COL11A1: variants seen among roughly 807,000 people sequenced by gnomAD.
COL11A1 encodes the protein collagen alpha-1(XI) chain.
In COL11A1, 74 loss-of-function variants were observed where a neutral mutation model predicts 265.2. The observed-to-expected ratio is 0.28, with a 90% CI of 0.23 to 0.34. The LOEUF (loss-of-function observed/expected upper bound fraction) is 0.34, where lower values mean the gene tolerates loss of function less well. Ranked by LOEUF, COL11A1 falls within the 10% of genes least tolerant of loss-of-function variation. The pLI is 1.00. For synonymous variants in COL11A1, 816 were observed against 727.6 expected (o/e 1.12, Z -1.96); for missense variants, 2,165 against 2,263.6 (o/e 0.96, Z 0.88).
At position 102,934,470 on chromosome 1, in the gene COL11A1, A is replaced by G. The variant is rs759333312; in HGVS notation, c.3579T>C (p.Pro1193=). Reference sequence around the variant, plus strand: ...TTACCTGAAGACCTATTGGACCAGGAGGTCCAGGGAAGCCTCTGGCACCCT... The same window carrying G: ...TTACCTGAAGACCTATTGGACCAGGGGGTCCAGGGAAGCCTCTGGCACCCT... ...GDEGARGFPG[P]PGPIGLQGLP... Residue 1193 remains proline, a synonymous_variant, in exon 46 of 67, where the codon CCT becomes CCC. Transcript: ENST00000370096. 27 of 1,610,884 alleles carry G rather than the reference A, an allele frequency of 1.7e-5. No homozygotes were observed. The highest frequency in any genetic ancestry group is 2.1e-5 in the Non-Finnish European group (25 of 1,177,102).
intron 66 of COL11A1, 134 bp downstream of exon 66, chr1:102,879,549 T>G: frequency 1.3e-6 from 1 of 764,428 alleles, no homozygotes; most frequent in South Asian, 1.5e-5. Flanking sequence ...TAGTTTAACA[T>G]GTCAAGATTA....
chr1:103,057,761 G>A (rs751292229), intron 4 of COL11A1, among the ~76,000 whole-genome samples: 1 of 152,032 alleles, frequency 6.6e-6, no homozygotes, highest in African/African-American at 2.4e-5. Context: ...CTCAGCAGTA[G>A]GTCACAACTG....
chr1:103,096,551 G>T (rs199843434), intron 1 of COL11A1, among the ~76,000 whole-genome samples: 1 of 151,886 alleles, frequency 6.6e-6, no homozygotes, highest in Admixed American at 6.6e-5. Flanking sequence ...CATTGAGTAG[G>T]CAGTCAAGTA....
intron 2 of COL11A1, among the ~76,000 whole-genome samples, chr1:103,082,112 T>C (rs909669483): frequency 1.3e-5 from 2 of 151,952 alleles, no homozygotes. Flanking sequence ...TTAGTGTTAT[T>C]AGGTCAATTA....
chr1:103,091,383 C>A (rs1673308649), intron 1 of COL11A1, among the ~76,000 whole-genome samples: 1 of 151,944 alleles, frequency 6.6e-6, no homozygotes, highest in African/African-American at 2.4e-5. Context: ...TGATGTCACA[C>A]AAATAATGCC....
chr1:103,096,624 C>A (rs1017566305), intron 1 of COL11A1, among the ~76,000 whole-genome samples: 5 of 151,766 alleles, frequency 3.3e-5, no homozygotes, highest in African/African-American at 9.7e-5. Flanking sequence ...GACAGCCTAC[C>A]AATGCTATCC....
chr1:103,103,622 TA>T (rs1193132168), intron 1 of COL11A1, among the ~76,000 whole-genome samples: 1 of 152,010 alleles, frequency 6.6e-6, no homozygotes, highest in Non-Finnish European at 1.5e-5. Flanking sequence ...ATCTAAACTC[TA>T]GCAAATATAT....
At chr1:103,054,196 G>A (rs189335179) in intron 4 of COL11A1, among the ~76,000 whole-genome samples, 15 of 152,180 alleles carry the variant, frequency 9.9e-5, no homozygotes, top group African/African-American at 3.1e-4. Context: ...TAATTTTGTT[G>A]TTTTAATACA....
chr1:102,938,841 C>T (rs1292954280), intron 44 of COL11A1, among the ~76,000 whole-genome samples, 194 bp downstream of exon 44: 7 of 152,044 alleles, frequency 4.6e-5, no homozygotes, highest in Admixed American at 2.0e-4. Flanking sequence ...AATCATCATA[C>T]TTTACTTAAT....
At chr1:103,018,885 T>A in intron 9 of COL11A1, 26 bp from the exon 10 acceptor site, 1 of 1,603,472 alleles carries the variant, frequency 6.2e-7, no homozygotes. Flanking sequence ...AGAACATCTC[T>A]ACCAGGGAAA....
intron 41 of COL11A1, among the ~76,000 whole-genome samples, chr1:102,951,012 T>G (rs1659821378): frequency 6.6e-6 from 1 of 152,156 alleles, no homozygotes; most frequent in African/African-American, 2.4e-5. Flanking sequence ...CCTTCCACCA[T>G]GATTGTAAGT....
chr1:103,045,256 T>A (rs1256068851), intron 4 of COL11A1, among the ~76,000 whole-genome samples: 1 of 152,082 alleles, frequency 6.6e-6, no homozygotes, highest in East Asian at 1.9e-4. Flanking sequence ...TGAAATGAAA[T>A]GCCACTGGAA....
At chr1:102,896,828 A>G (rs1299538736) in intron 57 of COL11A1, among the ~76,000 whole-genome samples, 4 of 152,200 alleles carry the variant, frequency 2.6e-5, no homozygotes, top group African/African-American at 7.2e-5. Context: ...TGAAATAACA[A>G]GAAAAAATCT....
rs1199452562 is a variant in COL11A1 at position 103,006,294 on chromosome 1, G to A, written c.1705C>T (p.Pro569Ser). The A allele has an allele frequency of 2.5e-6, 4 of 1,609,124 alleles. No individual in the cohort carries two copies. The highest frequency in any genetic ancestry group is 3.4e-6 in the Non-Finnish European group (4 of 1,177,628). ...GPQGPRGVQG[P>S]PGPTGKPGKR... ...CCAGGTTTTCCCGTTGGACCAGGGG[G>A]ACCCTGGACGCCTCGAGGGCCCTAT... The change falls in exon 16 of 67, where the codon CCC becomes TCC. Residue 569 changes from proline (P) to serine (S), a missense_variant. Coordinates refer to ENST00000370096, the MANE Select transcript of COL11A1 (RefSeq NM_001854.4).
At chr1:102,992,061 A>G (rs1664192277) in intron 28 of COL11A1, among the ~76,000 whole-genome samples, 2 of 152,150 alleles carry the variant, frequency 1.3e-5, no homozygotes, top group Non-Finnish European at 2.9e-5. Context: ...AAAATCACTT[A>G]TAGACTCTGA....
At chr1:102,884,926 T>G (rs190305876) in intron 63 of COL11A1, among the ~76,000 whole-genome samples, 6 of 152,324 alleles carry the variant, frequency 3.9e-5, no homozygotes. Context: ...AACATAACCT[T>G]CACCCACCTT....
At chr1:102,934,382 A>G in intron 46 of COL11A1, 67 bp downstream of exon 46, 1 of 1,122,154 alleles carries the variant, frequency 8.9e-7, no homozygotes, top group Non-Finnish European at 1.4e-6. Context: ...TTTGTTTTAC[A>G]TCCACCAGAA....
At chr1:103,025,693 T>C (rs1370832268) in intron 6 of COL11A1, 80 bp from the exon 7 acceptor site, 2 of 1,561,572 alleles carry the variant, frequency 1.3e-6, no homozygotes, top group African/African-American at 2.7e-5. Flanking sequence ...AATTGGGTTA[T>C]AGTATTAGCC....
In COL11A1 at chr1:103,108,175, C is replaced by T; in HGVS notation, c.4G>A (p.Glu2Lys). M[E>K]PWSSRWKTKR... ...GTTTTCCACCTAGAGGACCACGGCTCCATCTCCGAGCCCCGCACTCACAAC... is the reference window on the plus strand; with the variant it reads ...GTTTTCCACCTAGAGGACCACGGCTTCATCTCCGAGCCCCGCACTCACAAC... Residue 2 changes from glutamate (E) to lysine (K), a missense_variant, in exon 1 of 67, where the codon GAG (glutamate) becomes AAG (lysine). Physicochemically the swap from Glu to Lys is moderately conservative, Grantham distance 56. Coordinates refer to ENST00000370096, the MANE Select transcript of COL11A1 (RefSeq NM_001854.4). The T allele has an allele frequency of 6.2e-7, 1 of 1,613,560 alleles. No homozygotes were observed. The highest frequency in any genetic ancestry group is 8.5e-7 in the Non-Finnish European group (1 of 1,179,788).
Sources: gnomAD v4.1 joint callset for allele counts (sites outside exome capture counted in the v4.1 genomes callset) on GRCh38, gnomAD v4.1.1 for gene constraint, MANE v1.5 for transcripts, NCBI Gene and HGNC (gene_info 2026-07-23, HGNC 2026-07-21) for gene names.